Variants in SPATA31A3 observed in about 807,000 individuals in gnomAD.
The protein encoded by SPATA31A3 is spermatogenesis-associated protein 31A3.
For missense variants in SPATA31A3, 132 were observed against 1,094.6 expected (o/e 0.12, Z 12.41); for synonymous variants, 47 against 419.3 (o/e 0.11, Z 10.85).
exon 4 of SPATA31A3, chr9:66,989,121 C>T: frequency 4.7e-6 from 1 of 211,508 alleles, no homozygotes; most frequent in Non-Finnish European, 8.7e-6. Flanking sequence ...ACATTGTAGT[C>T]TCCCTTTGAA....
Position 66,986,998 on chromosome 9 carries a change from A to G in SPATA31A3, c.3500T>C (p.Ile1167Thr), listed in dbSNP as rs201533519. 1.1e-3 allele frequency: 1,735 copies of G among 1,596,286 alleles called. 11 individuals carry two copies. Among genetic ancestry groups the G allele is most frequent in the East Asian group, 6.1e-3 (270 of 44,586 alleles). Residue 1167 changes from isoleucine to threonine, a missense_variant, in exon 4 of 4, where the codon ATC (isoleucine) becomes ACC (threonine). By Grantham distance (89) the Ile-to-Thr change is moderately conservative. Transcript: ENST00000428649. ...AAAAATCCACTGAAAAATTTGCTTG[A>G]TGTTTTCTCCAAAGGGGCTTACTGA... is the stretch of plus-strand genomic sequence containing the variant.
rs375886012 is a variant in SPATA31A3 at position 66,987,243 on chromosome 9, G to A, written c.3255C>T (p.His1085=). 186 of 1,219,092 alleles carry A rather than the reference G, an allele frequency of 1.5e-4. 51 individuals carry two copies. Among genetic ancestry groups the A allele is most frequent in the Admixed American group, 6.8e-4 (32 of 46,790 alleles). 75.5% of individuals were successfully genotyped at this position (1,219,092 alleles called of 1,614,324 possible). Residue 1085 remains histidine, a synonymous_variant, in exon 4 of 4, where the codon CAC becomes CAT. Transcript: ENST00000428649. ...GACAGTTTGGTTTTCTGGGCTCCTC[G>A]TGCACCAGTTTGCTCCTTCTGGCTG...
At chr9:66,991,734 T>TACACACACAC (rs55996942) in intron 1 of SPATA31A3, among the ~76,000 whole-genome samples, 30 of 55,064 alleles carry the variant, frequency 5.4e-4, no homozygotes, top group Middle Eastern at 6.9e-3. Context: ...AAAATAAAAA[T>TACACACACAC]ACACACACAC....
chr9:66,987,234 G>A, exon 4 of SPATA31A3: 1 of 1,184,502 alleles, frequency 8.4e-7, no homozygotes, highest in South Asian at 1.3e-5. Context: ...TTGGTTTTCT[G>A]GGCTCCTCGT....
At position 66,988,683 on chromosome 9, in the gene SPATA31A3, C is replaced by A. The variant is rs1462515994; in HGVS notation, c.1815G>T (p.Lys605Asn). ...GGTTGCCCCAGTGTTGGATGATCCA[C>A]TTTTTTATGTGTTGCTCCAGTTGTC... The change falls in exon 4 of 4, where the codon AAG (lysine) becomes AAT (asparagine). Residue 605 changes from lysine (K) to asparagine (N), a missense_variant. Coordinates refer to ENST00000428649, the Ensembl canonical transcript of SPATA31A3. The A allele has an allele frequency of 5.2e-6, 6 of 1,145,874 alleles. 2 individuals are homozygous for A. In the Admixed American group the frequency reaches 1.5e-4, roughly 28 times the overall value. 71.0% of individuals were successfully genotyped at this position (1,145,874 alleles called of 1,614,324 possible).
intron 2 of SPATA31A3, 83 bp downstream of exon 2, chr9:66,990,988 GCTT>G (rs537341771): frequency 0.23 from 285,540 of 1,217,876 alleles, 35,139 homozygotes; most frequent in Middle Eastern, 0.29. Context: ...CCCACCTCAG[GCTT>G]CTTCAACTGA....
chr9:66,991,684 T>A (rs1823325576), intron 1 of SPATA31A3, among the ~76,000 whole-genome samples: 4 of 67,278 alleles, frequency 5.9e-5, no homozygotes, highest in South Asian at 6.9e-4. Flanking sequence ...TAAAATAAAA[T>A]AAAATAAAAT....
In SPATA31A3 at chr9:66,987,760, G is replaced by A. The variant is rs200794609; in HGVS notation, c.2738C>T (p.Pro913Leu). ...CCTGCCCTCCTGTCCAGCTGGAGGAGGCTTCAAGGGTTCATGATCATTCCA... is the reference window on the plus strand; with the variant it reads ...CCTGCCCTCCTGTCCAGCTGGAGGAAGCTTCAAGGGTTCATGATCATTCCA... Residue 913 changes from proline (P) to leucine (L), a missense_variant, in exon 4 of 4, where the codon CCT (proline) becomes CTT (leucine). Transcript: ENST00000428649. The A allele has an allele frequency of 2.9e-3, 4,629 of 1,599,986 alleles. 20 individuals carry two copies. Among genetic ancestry groups the A allele is most frequent in the Non-Finnish European group, 3.3e-3 (3,925 of 1,178,178 alleles).
chr9:66,987,231 T>C (rs1823248191), exon 4 of SPATA31A3: 2 of 1,181,206 alleles, frequency 1.7e-6, no homozygotes, highest in Non-Finnish European at 2.4e-6. Context: ...AGTTTGGTTT[T>C]CTGGGCTCCT....
rs1467163728 is a variant in SPATA31A3, at chr9:66,987,093, TG to T, written c.3404del (p.Pro1135GlnfsTer26). 2.3e-6 allele frequency: 3 copies of T among 1,294,576 alleles called. No individual in the cohort carries two copies. Among genetic ancestry groups the T allele is most frequent in the East Asian group, 2.3e-5 (1 of 44,392 alleles). 80.2% of individuals were successfully genotyped at this position (1,294,576 alleles called of 1,614,324 possible). On this transcript the variant is annotated frameshift_variant, in exon 4 of 4. Coordinates refer to ENST00000428649, the Ensembl canonical transcript of SPATA31A3. LOFTEE classifies it low-confidence loss of function (END_TRUNC). ...GATGGGTGTCTTCTGTTTTCCTGAC[TG>T]GGGTAAGTTGAGGAGTCCTCAATCC... is the stretch of plus-strand genomic sequence containing the variant.
At chr9:66,987,190 A>C (rs756924628) in exon 4 of SPATA31A3, 1 of 1,181,748 alleles carries the variant, frequency 8.5e-7, no homozygotes, top group East Asian at 2.3e-5. Flanking sequence ...AGGGGGAAAC[A>C]TTGGCCTTTG....
At chr9:66,991,734 T>TACACACAC (rs55996942) in intron 1 of SPATA31A3, among the ~76,000 whole-genome samples, 48 of 55,016 alleles carry the variant, frequency 8.7e-4, no homozygotes, top group Non-Finnish European at 1.2e-3. Context: ...AAAATAAAAA[T>TACACACAC]ACACACACAC....
rs1394465349 is a variant in SPATA31A3 at position 66,990,488 on chromosome 9, TC to T, written c.264del (p.Arg89GlufsTer64). The T allele has an allele frequency of 6.6e-7, 1 of 1,514,646 alleles. No individual in the cohort carries two copies. Among genetic ancestry groups the T allele is most frequent in the Non-Finnish European group, 8.8e-7 (1 of 1,132,522 alleles). The allele number at this position is 1,514,646 out of a possible 1,614,324, so 93.8% of individuals were successfully genotyped here. A position where few individuals can be genotyped will look rare whatever the true frequency, so the allele number is the denominator to read the frequency against. ...AGGTCCGAAGTCTCCTCCAGGCCTC[TC>T]CGGCACTCTCTACCAGCTGGAAATC... On this transcript the variant is annotated frameshift_variant, in exon 3 of 4. Coordinates refer to ENST00000428649, the Ensembl canonical transcript of SPATA31A3. LOFTEE classifies it low-confidence loss of function (END_TRUNC).
chr9:66,987,103 T>A, exon 4 of SPATA31A3: 1 of 1,290,488 alleles, frequency 7.7e-7, no homozygotes, highest in Non-Finnish European at 1.1e-6. Flanking sequence ...TGGGGTAAGT[T>A]GAGGAGTCCT....
chr9:66,987,226 G>A (rs763061535), exon 4 of SPATA31A3: 2 of 1,180,866 alleles, frequency 1.7e-6, no homozygotes, highest in Admixed American at 4.5e-5. Flanking sequence ...TTGACAGTTT[G>A]GTTTTCTGGG....
intron 1 of SPATA31A3, among the ~76,000 whole-genome samples, chr9:66,991,992 A>C (rs1292565693): frequency 7.6e-4 from 8 of 10,472 alleles, no homozygotes; most frequent in Non-Finnish European, 1.2e-3. Context: ...AGCCACCTGC[A>C]CCAGAAAGGG....
At chr9:66,991,739 A>ACACACG (rs1823327046) in intron 1 of SPATA31A3, among the ~76,000 whole-genome samples, 1 of 63,702 alleles carries the variant, frequency 1.6e-5, no homozygotes, top group Non-Finnish European at 3.0e-5. Context: ...AAAAATACAC[A>ACACACG]CACACACACA....
At chr9:66,990,053 G>C (rs765135567) in exon 4 of SPATA31A3, 1 of 1,613,914 alleles carries the variant, frequency 6.2e-7, no homozygotes, top group South Asian at 1.1e-5. Flanking sequence ...AACAGGGAGA[G>C]AATGGGAGCA....
At position 66,987,101 on chromosome 9, in the gene SPATA31A3, G is replaced by A. The variant is rs1823245996; in HGVS notation, c.3397C>T (p.Leu1133Phe). ...TCTTCTGTTTTCCTGACTGGGGTAA[G>A]TTGAGGAGTCCTCAATCCTTCAAGC... Residue 1133 changes from leucine (L) to phenylalanine (F), a missense_variant, in exon 4 of 4, where the codon CTT becomes TTT. Physicochemically the swap from Leu to Phe is conservative, Grantham distance 22 (BLOSUM62 0). Coordinates refer to ENST00000428649, the Ensembl canonical transcript of SPATA31A3. The A allele has an allele frequency of 2.3e-6, 3 of 1,291,026 alleles. 1 individual carries two copies. The highest frequency in any genetic ancestry group is 3.3e-6 in the Non-Finnish European group (3 of 908,770). The allele number at this position is 1,291,026 out of a possible 1,614,324, so 80.0% of individuals were successfully genotyped here. A position where few individuals can be genotyped will look rare whatever the true frequency, so the allele number is the denominator to read the frequency against.
Sources: gnomAD v4.1 joint callset for allele counts (sites outside exome capture counted in the v4.1 genomes callset) on GRCh38, gnomAD v4.1.1 for gene constraint, MANE v1.5 for transcripts, NCBI Gene and HGNC (gene_info 2026-07-23, HGNC 2026-07-21) for gene names.